USP10: variants seen among roughly 807,000 people sequenced by gnomAD.
USP10 encodes ubiquitin specific peptidase 10, also known as ubiquitin carboxyl-terminal hydrolase 10.
Under a neutral mutation model 84.5 loss-of-function variants are expected in USP10, and 22 were observed. The ratio of observed to expected loss-of-function variants is 0.26; its 90% CI spans 0.19 to 0.37. USP10 has a LOEUF of 0.37. USP10 is among the 10% of genes least tolerant of loss of function. The pLI, the probability that USP10 is intolerant of heterozygous loss-of-function variation, is 1.00. For synonymous variants in USP10, 454 were observed against 387.6 expected (o/e 1.17, Z -2.01); for missense variants, 1,019 against 998.9 (o/e 1.02, Z -0.27).
intron 1 of USP10, among the ~76,000 whole-genome samples, chr16:84,716,864 T>C (rs370962982): frequency 3.6e-4 from 55 of 152,310 alleles, no homozygotes; most frequent in African/African-American, 1.3e-3. Flanking sequence ...TTCATCATAA[T>C]GATCCTTTCA....
chr16:84,731,239 A>G (rs1909187796), intron 1 of USP10, among the ~76,000 whole-genome samples: 1 of 150,562 alleles, frequency 6.6e-6, no homozygotes, highest in Admixed American at 6.6e-5. Context: ...TCGGCCTCCC[A>G]GAGTGCTGGG....
intron 1 of USP10, among the ~76,000 whole-genome samples, chr16:84,725,201 C>A (rs1271311942): frequency 1.3e-5 from 2 of 152,270 alleles, no homozygotes; most frequent in East Asian, 3.9e-4. Context: ...CCCGCTCCCC[C>A]ATTCTCCTCT....
rs777865769 is a variant in USP10 at position 84,700,047 on chromosome 16, G to C, written c.-44G>C. ...AGATGGCGGCGGCGGGGGAAGCAGC[G>C]TGAGCAGCCGGAGGATCGCGGAGTC... On this transcript the variant is annotated 5_prime_UTR_variant, in exon 1 of 14. Coordinates refer to ENST00000219473, the MANE Select transcript of USP10 (RefSeq NM_005153.3). 1.5e-6 allele frequency: 2 copies of C among 1,357,092 alleles called. No homozygotes were observed. The highest frequency in any genetic ancestry group is 2.7e-5 in the South Asian group (2 of 73,130). 84.1% of individuals were successfully genotyped at this position (1,357,092 alleles called of 1,614,324 possible).
chr16:84,717,167 G>A (rs1342453237), intron 1 of USP10, among the ~76,000 whole-genome samples: 4 of 152,142 alleles, frequency 2.6e-5, no homozygotes, highest in African/African-American at 9.7e-5. Flanking sequence ...ACTTTGAGTA[G>A]CAGGTCGTAT....
At chr16:84,732,674 C>G (rs1432606857) in intron 1 of USP10, 1 of 303,110 alleles carries the variant, frequency 3.3e-6, no homozygotes, top group Non-Finnish European at 6.4e-6. Flanking sequence ...TCTCGAATTC[C>G]TGACCTTAAG....
intron 4 of USP10, among the ~76,000 whole-genome samples, chr16:84,747,988 TA>T (rs1246165695): frequency 1.3e-5 from 2 of 150,862 alleles, no homozygotes; most frequent in African/African-American, 2.4e-5. Context: ...CCGTCTCTAC[TA>T]AAAAAAACCT....
chr16:84,734,235 G>A (rs1909609841), intron 2 of USP10, among the ~76,000 whole-genome samples: 1 of 151,192 alleles, frequency 6.6e-6, no homozygotes, highest in Non-Finnish European at 1.5e-5. Flanking sequence ...ATTCCCATCA[G>A]CAGTGCATGG....
chr16:84,750,578 C>T (rs1911812394), intron 4 of USP10, among the ~76,000 whole-genome samples: 2 of 152,100 alleles, frequency 1.3e-5, no homozygotes, highest in Non-Finnish European at 2.9e-5. Context: ...TGAAATTGAA[C>T]GTATGCTTTC....
rs74586827 is a variant in USP10, at chr16:84,757,177, C to T, written c.1193-1539C>T. Among the ~76,000 whole-genome samples the T allele has an allele frequency of 1.2e-3, 181 of 152,282 alleles. 1 individual carries two copies. The highest frequency in any genetic ancestry group is 4.2e-3 in the African/African-American group (173 of 41,544). On this transcript the variant is annotated intron_variant, in intron 4 of 13. Coordinates refer to ENST00000219473, the MANE Select transcript of USP10 (RefSeq NM_005153.3). The stretch of plus-strand genomic sequence containing the variant: ...TGTCATCACATGCAGGCTTGGGGTT[C>T]AGTTCGTAACTGATCCATTATTCAT...
intron 4 of USP10, among the ~76,000 whole-genome samples, chr16:84,754,015 C>T (rs930507382): frequency 6.6e-6 from 1 of 152,098 alleles, no homozygotes; most frequent in Non-Finnish European, 1.5e-5. Context: ...AGGCTGAGGA[C>T]ACAAAAGGCC....
intron 1 of USP10, chr16:84,733,125 G>T (rs1397016403): frequency 2.1e-6 from 1 of 487,742 alleles, no homozygotes; most frequent in Admixed American, 2.3e-5. Flanking sequence ...ACAACTGGCA[G>T]TATTTGTGAA....
intron 2 of USP10, among the ~76,000 whole-genome samples, chr16:84,739,685 C>T (rs577083902): frequency 1.3e-5 from 2 of 152,282 alleles, no homozygotes; most frequent in East Asian, 3.9e-4. Context: ...TTGAGATAAC[C>T]TTTCAGCTTT....
chr16:84,771,041 A>G (rs1021147482), intron 11 of USP10, among the ~76,000 whole-genome samples: 1 of 144,472 alleles, frequency 6.9e-6, no homozygotes, highest in African/African-American at 2.6e-5. Flanking sequence ...TCGATGACAG[A>G]GCGAGACTGT....
chr16:84,748,368 A>G (rs984990299), intron 4 of USP10, among the ~76,000 whole-genome samples: 8 of 151,764 alleles, frequency 5.3e-5, no homozygotes, highest in Non-Finnish European at 1.0e-4. Context: ...CAGTGGCGCA[A>G]TCTCGGCTCA....
At chr16:84,735,813 G>C (rs1597333016) in intron 2 of USP10, among the ~76,000 whole-genome samples, 1 of 149,292 alleles carries the variant, frequency 6.7e-6, no homozygotes, top group African/African-American at 2.6e-5. Flanking sequence ...GGTATAAAAA[G>C]AGTTTATCAA....
chr16:84,733,420 C>G lies in USP10; in HGVS notation c.22-15C>G, dbSNP rs767608723. 5.1e-6 allele frequency: 8 copies of G among 1,576,814 alleles called. No homozygotes were observed. Among genetic ancestry groups the G allele is most frequent in the African/African-American group, 2.7e-5 (2 of 73,504 alleles). On this transcript the variant is annotated splice_polypyrimidine_tract_variant and intron_variant, in intron 1 of 13. Transcript: ENST00000219473. ...TATATTTTATGTGATCAGTGACTCT[C>G]TTATTTTTTTTCAGTATATTTTTGG...
chr16:84,754,377 G>A (rs1912278417), intron 4 of USP10, among the ~76,000 whole-genome samples: 1 of 152,112 alleles, frequency 6.6e-6, no homozygotes, highest in African/African-American at 2.4e-5. Flanking sequence ...GTCTGAAAAG[G>A]TTTATTCTGC....
chr16:84,733,007 AT>A (rs1356806273), intron 1 of USP10: 10 of 427,508 alleles, frequency 2.3e-5, no homozygotes, highest in Non-Finnish European at 4.1e-5. Context: ...CCTTTTTTGG[AT>A]TTCCTTGTCT....
At chr16:84,761,736 G>A (rs1443540193) in intron 8 of USP10, among the ~76,000 whole-genome samples, 1 of 152,266 alleles carries the variant, frequency 6.6e-6, no homozygotes, top group East Asian at 1.9e-4. Context: ...CATTGCTTGC[G>A]CAAACGGTTT....
Sources: gnomAD v4.1 joint callset for allele counts (sites outside exome capture counted in the v4.1 genomes callset) on GRCh38, gnomAD v4.1.1 for gene constraint, MANE v1.5 for transcripts, NCBI Gene and HGNC (gene_info 2026-07-23, HGNC 2026-07-21) for gene names.